The following GABRB2 variants were observed in gnomAD, a reference collection of about 807,000 sequenced individuals.
GABRB2 encodes the protein gamma-aminobutyric acid type A receptor subunit beta2.
A neutral mutation model predicts 54.7 loss-of-function variants in GABRB2; 16 were observed. The ratio of observed to expected loss-of-function variants is 0.29; its 90% CI spans 0.20 to 0.44. The LOEUF (loss-of-function observed/expected upper bound fraction) is 0.44. GABRB2 is among the 20% of genes least tolerant of loss of function. The probability of loss-of-function intolerance (pLI) is 1.00; values close to 1 mark genes in which losing one functional copy is unlikely to be tolerated. For synonymous variants in GABRB2, 244 were observed against 233.8 expected, an observed-to-expected ratio of 1.04 and a Z score of -0.40; for missense variants, 355 against 644.0, an observed-to-expected ratio of 0.55 and a Z score of 4.86.
At chr5:161,459,883 C>A (rs1758067436) in intron 3 of GABRB2, 39 bp from the exon 4 acceptor site, 1 of 1,202,274 alleles carries the variant, frequency 8.3e-7, no homozygotes, top group African/African-American at 1.5e-5. Flanking sequence ...TAGTTTACAC[C>A]CAGACAGATC....
intron 3 of GABRB2, among the ~76,000 whole-genome samples, chr5:161,470,830 A>G (rs538141211): frequency 6.6e-6 from 1 of 152,140 alleles, no homozygotes; most frequent in East Asian, 1.9e-4. Context: ...AAACTACCAT[A>G]CTATGCTCCC....
chr5:161,431,831 A>G (rs900016854), intron 4 of GABRB2, among the ~76,000 whole-genome samples: 6 of 152,176 alleles, frequency 3.9e-5, no homozygotes, highest in African/African-American at 1.4e-4. Flanking sequence ...TCCGGATAAC[A>G]CGGTTTTATA....
At chr5:161,352,081 A>G (rs1490970411) in intron 5 of GABRB2, among the ~76,000 whole-genome samples, 1 of 152,026 alleles carries the variant, frequency 6.6e-6, no homozygotes. Context: ...AGAAAACGGG[A>G]CCCTTATATA....
intron 4 of GABRB2, among the ~76,000 whole-genome samples, chr5:161,435,255 T>C (rs926025427): frequency 6.6e-6 from 1 of 152,160 alleles, no homozygotes; most frequent in African/African-American, 2.4e-5. Flanking sequence ...CACACTTAAA[T>C]ATTACAAAGC....
At chr5:161,337,476 T>C (rs974615185) in intron 5 of GABRB2, among the ~76,000 whole-genome samples, 6 of 152,178 alleles carry the variant, frequency 3.9e-5, no homozygotes, top group African/African-American at 1.4e-4. Context: ...ACACTGGACA[T>C]GCACAGTGCA....
At chr5:161,544,152 G>A (rs1197187413) in intron 3 of GABRB2, among the ~76,000 whole-genome samples, 1 of 152,136 alleles carries the variant, frequency 6.6e-6, no homozygotes, top group African/African-American at 2.4e-5. Context: ...GTCCTGAGGG[G>A]TGGCTTAGAA....
chr5:161,394,405 CAG>C (rs536868602), intron 5 of GABRB2, among the ~76,000 whole-genome samples: 216 of 152,022 alleles, frequency 1.4e-3, no homozygotes, highest in Non-Finnish European at 2.7e-3. Flanking sequence ...AGAAAACTAA[CAG>C]AGTCAGAAGA....
chr5:161,507,577 C>T (rs553516227), intron 3 of GABRB2, among the ~76,000 whole-genome samples: 1 of 152,164 alleles, frequency 6.6e-6, no homozygotes, highest in African/African-American at 2.4e-5. Context: ...TGTGTACACA[C>T]ACACATGCAC....
At chr5:161,437,561 T>C (rs1201077525) in intron 4 of GABRB2, among the ~76,000 whole-genome samples, 1 of 151,834 alleles carries the variant, frequency 6.6e-6, no homozygotes, top group African/African-American at 2.4e-5. Flanking sequence ...GGTAACAGCA[T>C]AGCCACAGGA....
rs967939218 is a variant in GABRB2, at chr5:161,293,738, C to T, written c.*343G>A. ...GAAGATGAGGAGTATCTGGTTATGA[C>T]CAAATGACTGACAATGCTGTTGAGC... On this transcript the variant is annotated 3_prime_UTR_variant, in exon 10 of 10. Coordinates refer to ENST00000393959, the MANE Select transcript of GABRB2 (RefSeq NM_001371727.1). The T allele has an allele frequency of 4.3e-6, 1 of 233,688 alleles. No individual in the cohort carries two copies. The highest frequency in any genetic ancestry group is 8.4e-6 in the Non-Finnish European group (1 of 118,954). 14.5% of individuals were successfully genotyped at this position (233,688 alleles called of 1,614,324 possible). A position where few individuals can be genotyped will look rare whatever the true frequency, so the allele number is the denominator to read the frequency against.
chr5:161,339,348 C>A (rs115272445), intron 5 of GABRB2, among the ~76,000 whole-genome samples: 1 of 152,098 alleles, frequency 6.6e-6, no homozygotes, highest in African/African-American at 2.4e-5. Flanking sequence ...GTGGTATATA[C>A]TAAGCACTTT....
intron 5 of GABRB2, among the ~76,000 whole-genome samples, chr5:161,396,593 T>C (rs1233192233): frequency 6.6e-6 from 1 of 152,186 alleles, no homozygotes; most frequent in Non-Finnish European, 1.5e-5. Context: ...ATATGTTAAA[T>C]TGATTATCAG....
intron 9 of GABRB2, among the ~76,000 whole-genome samples, chr5:161,296,480 A>T (rs1191771009): frequency 1.3e-5 from 2 of 152,218 alleles, no homozygotes; most frequent in Non-Finnish European, 2.9e-5. Context: ...AGCAATAATG[A>T]TCATAATAAA....
intron 5 of GABRB2, among the ~76,000 whole-genome samples, chr5:161,384,563 T>A (rs1219051479): frequency 6.6e-6 from 1 of 152,190 alleles, no homozygotes; most frequent in African/African-American, 2.4e-5. Context: ...TCCAGCTATG[T>A]GCCAGGAGTA....
Position 161,352,403 on chromosome 5 carries a change from G to A in GABRB2, c.542-15634C>T, listed in dbSNP as rs1250731953. Among the ~76,000 whole-genome samples, 4 of 151,814 alleles carry A rather than the reference G, an allele frequency of 2.6e-5. No homozygotes were observed. In the South Asian group the frequency reaches 8.3e-4, roughly 31 times the overall value. The stretch of plus-strand genomic sequence containing the variant: ...ACAAAAAAAAAATCCTGTCATTTGC[G>A]ACAACATGAATGAACCTAGAGGACA... On this transcript the variant is annotated intron_variant, in intron 5 of 9. Coordinates refer to ENST00000393959, the MANE Select transcript of GABRB2 (RefSeq NM_001371727.1).
chr5:161,483,384 T>C (rs1391765533), intron 3 of GABRB2, among the ~76,000 whole-genome samples: 2 of 151,952 alleles, frequency 1.3e-5, no homozygotes, highest in Admixed American at 1.3e-4. Context: ...TCTCAAAAAA[T>C]AATTCTGAAT....
chr5:161,289,232 C>CTTTTTTTTTTTTTTTTTTTT lies in GABRB2; in HGVS notation c.*4848_*4849insAAAAAAAAAAAAAAAAAAAA, dbSNP rs56372028. The CTTTTTTTTTTTTTTTTTTTT allele has an allele frequency of 1.1e-4, 10 of 90,462 alleles. No individual in the cohort carries two copies. The highest frequency in any genetic ancestry group is 3.1e-4 in the African/African-American group (5 of 16,220). The allele number at this position is 90,462 out of a possible 1,614,324, so 5.6% of individuals were successfully genotyped here. A position where few individuals can be genotyped will look rare whatever the true frequency, so the allele number is the denominator to read the frequency against. ...ACCTAGTAGCTTTTTAAGAGTGCTG[C>CTTTTTTTTTTTTTTTTTTTT]TTTTTTTTTTTTTTTTTGTACAGAT... On this transcript the variant is annotated 3_prime_UTR_variant, in exon 10 of 10. Coordinates refer to ENST00000393959, the MANE Select transcript of GABRB2 (RefSeq NM_001371727.1).
chr5:161,427,495 T>C (rs1255415754), intron 4 of GABRB2, among the ~76,000 whole-genome samples: 1 of 152,170 alleles, frequency 6.6e-6, no homozygotes, highest in African/African-American at 2.4e-5. Context: ...CAATGACTCA[T>C]AATGGTCTCA....
chr5:161,521,054 C>G (rs1254073430), intron 3 of GABRB2, among the ~76,000 whole-genome samples: 1 of 151,990 alleles, frequency 6.6e-6, no homozygotes, highest in Non-Finnish European at 1.5e-5. Context: ...TGTGTCAATT[C>G]TTTAGACTAA....
Sources: allele counts gnomAD v4.1 joint callset (sites outside exome capture counted in the v4.1 genomes callset), GRCh38; gene constraint gnomAD v4.1.1; transcripts MANE v1.5; gene names NCBI Gene and HGNC (gene_info 2026-07-23, HGNC 2026-07-21).